Variants in FMN1 observed in about 807,000 individuals in gnomAD.
The protein encoded by FMN1 is formin-1.
Under a neutral mutation model 132.4 loss-of-function variants are expected in FMN1, and 110 were observed. The observed-to-expected ratio is 0.83, with a 90% CI of 0.71 to 0.97. FMN1 has a LOEUF of 0.97. Ranked by LOEUF, FMN1 falls within the 50% of genes least tolerant of loss-of-function variation. The probability of loss-of-function intolerance (pLI) is 0.00; values close to 1 mark genes in which losing one functional copy is unlikely to be tolerated. For missense variants in FMN1, 1,792 were observed against 1,705.3 expected (o/e 1.05, Z -0.90); for synonymous variants, 722 against 651.7 (o/e 1.11, Z -1.64).
intron 16 of FMN1, among the ~76,000 whole-genome samples, chr15:32,880,260 C>G (rs1397458043): frequency 6.6e-6 from 1 of 152,188 alleles, no homozygotes; most frequent in African/African-American, 2.4e-5. Context: ...ATTTCCCGCA[C>G]ATTTCCTCTT....
intron 4 of FMN1, among the ~76,000 whole-genome samples, chr15:33,108,617 A>G (rs2039577606): frequency 6.6e-6 from 1 of 152,060 alleles, no homozygotes; most frequent in Non-Finnish European, 1.5e-5. Context: ...AATGAAAACT[A>G]CCCAATCATT....
chr15:32,933,594 T>C (rs968150000), intron 9 of FMN1, among the ~76,000 whole-genome samples: 1 of 152,202 alleles, frequency 6.6e-6, no homozygotes, highest in Admixed American at 6.5e-5. Flanking sequence ...TGTGTTGCTG[T>C]GTATTTCTCC....
At chr15:33,140,143 A>G (rs1963945543) in intron 4 of FMN1, among the ~76,000 whole-genome samples, 2 of 151,572 alleles carry the variant, frequency 1.3e-5, no homozygotes, top group Admixed American at 1.3e-4. Flanking sequence ...ATTAACAACA[A>G]AGACAAATAA....
chr15:33,051,404 G>A (rs1192596294), intron 6 of FMN1, among the ~76,000 whole-genome samples: 1 of 152,174 alleles, frequency 6.6e-6, no homozygotes, highest in East Asian at 1.9e-4. Flanking sequence ...GTTACAGTAG[G>A]TAGCTAGTCA....
intron 19 of FMN1, among the ~76,000 whole-genome samples, chr15:32,785,546 T>A (rs950042519): frequency 3.3e-5 from 5 of 152,082 alleles, no homozygotes; most frequent in Non-Finnish European, 1.5e-5. Context: ...ATGGGTGATA[T>A]GTTAGAAATT....
At chr15:32,947,288 T>C (rs996764401) in intron 9 of FMN1, among the ~76,000 whole-genome samples, 5 of 152,140 alleles carry the variant, frequency 3.3e-5, no homozygotes, top group African/African-American at 9.6e-5. Context: ...TGCCCACTGA[T>C]CTGAGATACC....
chr15:33,099,620 T>C (rs1416710767), intron 4 of FMN1, among the ~76,000 whole-genome samples: 10 of 152,182 alleles, frequency 6.6e-5, no homozygotes, highest in Admixed American at 6.5e-4. Context: ...GATGAATTGA[T>C]ATGAAAATAA....
chr15:33,042,035 TA>T (rs36019355), intron 6 of FMN1, among the ~76,000 whole-genome samples: 40,884 of 151,760 alleles, frequency 0.27, 5,730 homozygotes, highest in Non-Finnish European at 0.31. Context: ...GATGTCTACC[TA>T]AAAAAAATCC....
chr15:33,040,070 C>G (rs1253345834), intron 6 of FMN1, among the ~76,000 whole-genome samples: 1 of 152,152 alleles, frequency 6.6e-6, no homozygotes, highest in Non-Finnish European at 1.5e-5. Context: ...GACGTGGCAC[C>G]ATCCCAATCT....
intron 15 of FMN1, among the ~76,000 whole-genome samples, chr15:32,892,721 ATCATT>A (rs1203529779): frequency 6.6e-6 from 1 of 152,168 alleles, no homozygotes; most frequent in Non-Finnish European, 1.5e-5. Flanking sequence ...TTTTAAAATT[ATCATT>A]TAATTCTTGC....
At chr15:32,969,525 A>T in intron 7 of FMN1, 48 bp from the exon 8 acceptor site, 1 of 1,575,502 alleles carries the variant, frequency 6.3e-7, no homozygotes, top group Non-Finnish European at 8.6e-7. Flanking sequence ...TATTAAGAAC[A>T]AACTTAAGAA....
intron 6 of FMN1, among the ~76,000 whole-genome samples, chr15:33,035,849 G>C (rs1237096960): frequency 6.6e-6 from 1 of 152,174 alleles, no homozygotes; most frequent in Admixed American, 6.5e-5. Flanking sequence ...GAGGTGATTC[G>C]ATCAGACAGC....
intron 4 of FMN1, among the ~76,000 whole-genome samples, chr15:33,103,067 CA>C (rs1203190852): frequency 7.9e-5 from 12 of 152,232 alleles, no homozygotes; most frequent in Non-Finnish European, 1.8e-4. Context: ...GCATCTGACA[CA>C]GTGCCTGTGT....
intron 16 of FMN1, among the ~76,000 whole-genome samples, chr15:32,886,200 A>T (rs930873897): frequency 6.6e-6 from 1 of 152,198 alleles, no homozygotes; most frequent in Non-Finnish European, 1.5e-5. Context: ...TGTGTTGAAA[A>T]CACTGGCATC....
intron 5 of FMN1, among the ~76,000 whole-genome samples, chr15:33,084,900 T>A (rs961746701): frequency 6.6e-6 from 1 of 152,208 alleles, no homozygotes; most frequent in South Asian, 2.1e-4. Context: ...CACGTACTAA[T>A]GAGAGTCAGT....
chr15:33,008,115 A>G (rs2140944816), intron 6 of FMN1, 40 bp from the exon 7 acceptor site: 1 of 1,505,874 alleles, frequency 6.6e-7, no homozygotes, highest in South Asian at 1.2e-5. Flanking sequence ...AAGAAGTACA[A>G]AATTAAGCAC....
intron 4 of FMN1, among the ~76,000 whole-genome samples, chr15:33,139,931 T>A (rs4779610): frequency 0.44 from 66,837 of 151,954 alleles, 15,928 homozygotes; most frequent in South Asian, 0.55. Flanking sequence ...CTGACTTTTT[T>A]AAAAAAGATA....
At chr15:33,138,828 G>A (rs1196712653) in intron 4 of FMN1, among the ~76,000 whole-genome samples, 1 of 152,170 alleles carries the variant, frequency 6.6e-6, no homozygotes, top group Non-Finnish European at 1.5e-5. Flanking sequence ...GCAGAGGCTA[G>A]GAGCAGCATC....
At position 32,767,206 on chromosome 15, in the gene FMN1, T is replaced by A. The variant is rs2056077511; in HGVS notation, c.*7104A>T. On this transcript the variant is annotated 3_prime_UTR_variant, in exon 21 of 21. Transcript: ENST00000616417. ...ACTAGCCTCGTTCAAATTTTTCTCC[T>A]CCATGCGTCCTTTTTTTCTTGCTCA... 1 of 152,220 alleles carries A rather than the reference T, an allele frequency of 6.6e-6. No homozygotes were observed. The highest frequency in any genetic ancestry group is 2.4e-5 in the African/African-American group (1 of 41,460). The allele number at this position is 152,220 out of a possible 1,614,324, so 9.4% of individuals were successfully genotyped here. A position where few individuals can be genotyped will look rare whatever the true frequency, so the allele number is the denominator to read the frequency against.
Sources: gnomAD v4.1 joint callset for allele counts (sites outside exome capture counted in the v4.1 genomes callset) on GRCh38, gnomAD v4.1.1 for gene constraint, MANE v1.5 for transcripts, NCBI Gene and HGNC (gene_info 2026-07-23, HGNC 2026-07-21) for gene names.